The following ADAM10 variants were observed in gnomAD, a reference collection of about 807,000 sequenced individuals.
ADAM10 encodes ADAM metallopeptidase domain 10.
Under a neutral mutation model 90.1 loss-of-function variants are expected in ADAM10, and 17 were observed. The ratio of observed to expected loss-of-function variants is 0.19; its 90% CI spans 0.13 to 0.28. The LOEUF (loss-of-function observed/expected upper bound fraction) is 0.28, where lower values mean the gene tolerates loss of function less well. Among genes scored for constraint, ADAM10 ranks in the 10% least tolerant of loss-of-function variants. ADAM10 has a pLI of 1.00. For missense variants in ADAM10, 610 were observed against 914.3 expected (o/e 0.67, Z 4.29); for synonymous variants, 310 against 298.6 (o/e 1.04, Z -0.40).
At chr15:58,655,696 GTATATATATATATAGTATATA>G (rs1431752036) in intron 5 of ADAM10, among the ~76,000 whole-genome samples, 830 of 68,248 alleles carry the variant, frequency 0.012, 44 homozygotes, top group Non-Finnish European at 0.017. Context: ...ATTATATATA[GTATATATATATATAGTATATA>G]TATATATATA....
At chr15:58,643,838 C>G (rs1313489754) in intron 7 of ADAM10, 48 bp downstream of exon 7, 2 of 1,338,430 alleles carry the variant, frequency 1.5e-6, no homozygotes, top group South Asian at 2.3e-5. Context: ...TAAACATAGT[C>G]TGGACTGTTT....
At position 58,712,522 on chromosome 15, in the gene ADAM10, T is replaced by C. The variant is rs1898506485; in HGVS notation, c.206+5055A>G. ...CTGGGCAACAGAGCCCGGCCCTGTTTCAAAAAAAAAAAAAAGGCCAGACGT... is the reference window on the plus strand; with the variant it reads ...CTGGGCAACAGAGCCCGGCCCTGTTCCAAAAAAAAAAAAAAGGCCAGACGT... On this transcript the variant is annotated intron_variant, in intron 2 of 15. Transcript: ENST00000260408. 3.6e-5 allele frequency among the ~76,000 whole-genome samples: 3 copies of C among 83,154 alleles called. No individual in the cohort carries two copies. The South Asian group carries it at 1.4e-3, about 40-fold the overall frequency. The allele number at this position is 83,154 out of a possible 152,430, so 54.6% of individuals were successfully genotyped here.
intron 13 of ADAM10, 160 bp downstream of exon 13, chr15:58,610,839 T>G (rs1895418582): frequency 1.5e-6 from 1 of 681,108 alleles, no homozygotes; most frequent in Non-Finnish European, 2.6e-6. Context: ...ACCATAATAA[T>G]AGAGACACAA....
intron 10 of ADAM10, among the ~76,000 whole-genome samples, chr15:58,625,983 A>AG (rs1232220269): frequency 8.6e-6 from 1 of 116,942 alleles, no homozygotes; most frequent in South Asian, 2.9e-4. Context: ...ACAGGGTAGC[A>AG]GGGGGGAGGA....
At chr15:58,608,223 G>A (rs1399534033) in intron 14 of ADAM10, among the ~76,000 whole-genome samples, 1 of 152,170 alleles carries the variant, frequency 6.6e-6, no homozygotes, top group Non-Finnish European at 1.5e-5. Context: ...GAGAAAAGCT[G>A]CCATAGTGTA....
chr15:58,633,606 C>T (rs1173237900), intron 8 of ADAM10, among the ~76,000 whole-genome samples: 1 of 152,108 alleles, frequency 6.6e-6, no homozygotes, highest in Non-Finnish European at 1.5e-5. Flanking sequence ...ATGTTCTTCA[C>T]AATCAAAATG....
intron 11 of ADAM10, among the ~76,000 whole-genome samples, chr15:58,618,008 A>G (rs979091817): frequency 2.0e-5 from 3 of 152,192 alleles, no homozygotes; most frequent in Non-Finnish European, 4.4e-5. Flanking sequence ...CTATCCAAAT[A>G]CCAATGACAT....
intron 10 of ADAM10, among the ~76,000 whole-genome samples, chr15:58,622,944 C>T (rs143908900): frequency 6.6e-6 from 1 of 152,174 alleles, no homozygotes; most frequent in Non-Finnish European, 1.5e-5. Context: ...AAAACACAGA[C>T]TATATCTAGG....
intron 2 of ADAM10, among the ~76,000 whole-genome samples, chr15:58,712,394 T>G (rs1167776277): frequency 2.6e-5 from 4 of 151,304 alleles, no homozygotes; most frequent in Non-Finnish European, 5.9e-5. Flanking sequence ...CATGGTGGTG[T>G]GTGCCTGTAG....
chr15:58,733,487 A>G (rs1899324684), intron 1 of ADAM10, among the ~76,000 whole-genome samples: 1 of 152,188 alleles, frequency 6.6e-6, no homozygotes, highest in South Asian at 2.1e-4. Context: ...TGCCTGCCTC[A>G]TTCTACCCTG....
In ADAM10 at chr15:58,682,150, GA is replaced by G. The variant is rs749660034; in HGVS notation, c.325+45del. Reference sequence around the variant, plus strand: ...ACTTCAAAATGAGTATCTTTGTGTAGAAAAAAAAAAATGGAAGAAAAGGGTT... The same window carrying G: ...ACTTCAAAATGAGTATCTTTGTGTAGAAAAAAAAAATGGAAGAAAAGGGTT... On this transcript the variant is annotated intron_variant, in intron 3 of 15. Coordinates refer to ENST00000260408, the MANE Select transcript of ADAM10 (RefSeq NM_001110.4). The G allele has an allele frequency of 3.8e-3, 4,547 of 1,203,482 alleles. 5 individuals are homozygous for G. The highest frequency in any genetic ancestry group is 0.011 in the Middle Eastern group (39 of 3,708). 74.6% of individuals were successfully genotyped at this position (1,203,482 alleles called of 1,614,324 possible).
intron 5 of ADAM10, 92 bp downstream of exon 5, chr15:58,665,005 T>C: frequency 1.9e-6 from 2 of 1,055,890 alleles, no homozygotes; most frequent in Non-Finnish European, 2.9e-6. Flanking sequence ...GTTAAGTCTT[T>C]CAGAAATCCT....
chr15:58,740,204 G>C (rs1378216020), intron 1 of ADAM10, among the ~76,000 whole-genome samples: 1 of 152,144 alleles, frequency 6.6e-6, no homozygotes, highest in African/African-American at 2.4e-5. Context: ...GAGGTCTAGA[G>C]TTCGAGGCCA....
chr15:58,728,785 T>C (rs1899125701), intron 1 of ADAM10, among the ~76,000 whole-genome samples: 1 of 152,168 alleles, frequency 6.6e-6, no homozygotes, highest in South Asian at 2.1e-4. Context: ...CAAGTTATCT[T>C]CTCAGTAAAA....
At chr15:58,615,850 A>C (rs1264741163) in intron 11 of ADAM10, among the ~76,000 whole-genome samples, 1 of 152,078 alleles carries the variant, frequency 6.6e-6, no homozygotes, top group Non-Finnish European at 1.5e-5. Flanking sequence ...TCTATTAAAA[A>C]TACAAAAATT....
intron 1 of ADAM10, among the ~76,000 whole-genome samples, chr15:58,742,909 A>C (rs1299969555): frequency 6.6e-6 from 1 of 152,134 alleles, no homozygotes; most frequent in African/African-American, 2.4e-5. Context: ...AAATCAAAAA[A>C]TTAACCAGGC....
At chr15:58,646,258 T>C (rs183390177) in intron 5 of ADAM10, 54 bp from the exon 6 acceptor site, 221 of 1,534,576 alleles carry the variant, frequency 1.4e-4, no homozygotes, top group Middle Eastern at 3.8e-4. Context: ...ACTATCATTT[T>C]ATCTAATTAA....
intron 5 of ADAM10, among the ~76,000 whole-genome samples, chr15:58,648,392 T>G (rs1466832078): frequency 2.0e-5 from 3 of 152,144 alleles, no homozygotes; most frequent in African/African-American, 7.2e-5. Context: ...ATGTTATTTG[T>G]GAAATGCAGT....
At position 58,596,418 on chromosome 15, in the gene ADAM10, A is replaced by T. The variant is rs200915506; in HGVS notation, c.*1129T>A. 1 of 152,666 alleles carries T rather than the reference A, an allele frequency of 6.6e-6. No homozygotes were observed. Among genetic ancestry groups the T allele is most frequent in the Non-Finnish European group, 1.5e-5 (1 of 68,022 alleles). 9.5% of individuals were successfully genotyped at this position (152,666 alleles called of 1,614,324 possible). A position where few individuals can be genotyped will look rare whatever the true frequency, so the allele number is the denominator to read the frequency against. ...TAAAAATTTTAGGAAAAAAAATGTC[A>T]GAAGGCCTATCTACAATTTTAACTA... is the stretch of plus-strand genomic sequence containing the variant. On this transcript the variant is annotated 3_prime_UTR_variant, in exon 16 of 16. Transcript: ENST00000260408.
Sources: gnomAD v4.1 joint callset for allele counts (sites outside exome capture counted in the v4.1 genomes callset) on GRCh38, gnomAD v4.1.1 for gene constraint, MANE v1.5 for transcripts, NCBI Gene and HGNC (gene_info 2026-07-23, HGNC 2026-07-21) for gene names.